Variants in AIM2 observed in about 807,000 individuals in gnomAD.
AIM2 encodes interferon-inducible protein AIM2.
AIM2 carries 30 observed loss-of-function variants against 27.7 expected under a neutral mutation model. The observed-to-expected ratio is 1.08, with a 90% CI of 0.81 to 1.47. The LOEUF (loss-of-function observed/expected upper bound fraction) is 1.47, where lower values mean the gene tolerates loss of function less well. Ranked by LOEUF, AIM2 falls within the 40% of genes most tolerant of loss-of-function variation. The pLI, the probability that AIM2 is intolerant of heterozygous loss-of-function variation, is 0.00. For synonymous variants in AIM2, 141 were observed against 145.3 expected, an observed-to-expected ratio of 0.97 and a Z score of 0.21; for missense variants, 358 against 411.3, an observed-to-expected ratio of 0.87 and a Z score of 1.12.
At chr1:159,115,530 C>A (rs980523646) in intron 1 of AIM2, among the ~76,000 whole-genome samples, 5 of 152,134 alleles carry the variant, frequency 3.3e-5, no homozygotes, top group Admixed American at 6.5e-5. Flanking sequence ...AATAATGCCG[C>A]ATATCCACAA....
intron 1 of AIM2, among the ~76,000 whole-genome samples, chr1:159,117,121 G>T (rs1331781696): frequency 6.6e-6 from 1 of 152,236 alleles, no homozygotes; most frequent in Non-Finnish European, 1.5e-5. Flanking sequence ...AAATATAGCT[G>T]TCAAGGGAAG....
intron 1 of AIM2, among the ~76,000 whole-genome samples, chr1:159,086,532 C>T (rs1409056223): frequency 6.6e-6 from 1 of 152,242 alleles, no homozygotes; most frequent in Non-Finnish European, 1.5e-5. Context: ...CTAATTCTTA[C>T]TCACCCCCAG....
intron 1 of AIM2, among the ~76,000 whole-genome samples, chr1:159,119,819 T>G (rs1402079701): frequency 6.6e-6 from 1 of 151,948 alleles, no homozygotes; most frequent in African/African-American, 2.4e-5. Context: ...TGTGGGTGTG[T>G]GTGCCACTCT....
intron 1 of AIM2, among the ~76,000 whole-genome samples, chr1:159,118,916 C>A (rs77538760): frequency 6.6e-6 from 1 of 151,960 alleles, no homozygotes; most frequent in African/African-American, 2.4e-5. Flanking sequence ...ACAAACAATC[C>A]GGAATCTTAG....
chr1:159,100,323 A>G (rs2518565), intron 1 of AIM2, among the ~76,000 whole-genome samples: 112,358 of 152,154 alleles, frequency 0.74, 45,050 homozygotes, highest in Non-Finnish European at 0.89. Context: ...GTGTTGGGAA[A>G]TGATTTTTTT....
In AIM2 at chr1:159,138,007, C is replaced by T. The variant is rs560772830; in HGVS notation, c.-16+2424G>A. Among the ~76,000 whole-genome samples, 3 of 152,110 alleles carry T rather than the reference C, an allele frequency of 2.0e-5. No individual in the cohort carries two copies. In the South Asian group the frequency reaches 6.2e-4, roughly 32 times the overall value. On this transcript the variant is annotated intron_variant, in intron 1 of 2. Coordinates refer to the AIM2 transcript ENST00000368129. ...TGGCATTTATGTACTAAAATGTATA[C>T]TATTTATTATAAGTTTATTTCTTTT...
chr1:159,131,590 A>T (rs1442280705), intron 1 of AIM2, among the ~76,000 whole-genome samples: 1 of 152,204 alleles, frequency 6.6e-6, no homozygotes, highest in Non-Finnish European at 1.5e-5. Context: ...AAGACTATTT[A>T]AAAAAATAAT....
rs868344128 is a variant in AIM2, at chr1:159,071,705, T to C, written c.262+1533A>G. 1.5e-4 allele frequency among the ~76,000 whole-genome samples: 23 copies of C among 152,344 alleles called. No homozygotes were observed. The South Asian group carries it at 2.9e-3, about 19-fold the overall frequency. On this transcript the variant is annotated intron_variant, in intron 2 of 5. Coordinates refer to ENST00000368130, the MANE Select transcript of AIM2 (RefSeq NM_004833.3). The stretch of plus-strand genomic sequence containing the variant: ...TTGTATTTTTAGTAGAGACAAAGTT[T>C]CACTATGTTGGCCAGGCTGATCTCG...
At chr1:159,124,540 T>C (rs1647633390) in intron 1 of AIM2, among the ~76,000 whole-genome samples, 2 of 152,220 alleles carry the variant, frequency 1.3e-5, no homozygotes, top group African/African-American at 4.8e-5. Context: ...TTTACTAAAG[T>C]AGAGGCTACA....
chr1:159,143,107 A>T (rs1029447554), upstream of AIM2, among the ~76,000 whole-genome samples: 1 of 152,196 alleles, frequency 6.6e-6, no homozygotes, highest in African/African-American at 2.4e-5. Context: ...TGACTAAATG[A>T]AACAATTAGA....
upstream of AIM2, among the ~76,000 whole-genome samples, chr1:159,077,123 G>C (rs1172766776): frequency 6.6e-6 from 1 of 152,214 alleles, no homozygotes; most frequent in African/African-American, 2.4e-5. Context: ...CAAAGCATAA[G>C]AGAATCTGAA....
At chr1:159,139,653 A>G (rs1648074143) in intron 1 of AIM2, among the ~76,000 whole-genome samples, 1 of 152,230 alleles carries the variant, frequency 6.6e-6, no homozygotes, top group Non-Finnish European at 1.5e-5. Context: ...GGCTTGGGGA[A>G]TTATCTGTGG....
At position 159,068,596 on chromosome 1, in the gene AIM2, G is replaced by T; in HGVS notation, c.368C>A (p.Ala123Asp). ...AIRNDVAKQR[A>D]APKVSPHVKP... The stretch of plus-strand genomic sequence containing the variant: ...AACATGAGGAGAGACTTTTGGTGCA[G>T]CACGTTGCTTTGCGACATCATTTCT... Residue 123 changes from alanine (A) to aspartate (D), a missense_variant, in exon 3 of 6, where the codon GCT becomes GAT. By Grantham distance (126) the Ala-to-Asp change is moderately radical. Coordinates refer to ENST00000368130, the MANE Select transcript of AIM2 (RefSeq NM_004833.3). The T allele has an allele frequency of 1.2e-6, 2 of 1,613,624 alleles. No homozygotes were observed. The highest frequency in any genetic ancestry group is 1.7e-6 in the Non-Finnish European group (2 of 1,179,756).
chr1:159,099,499 T>A (rs1168265343), intron 1 of AIM2, among the ~76,000 whole-genome samples: 2 of 152,182 alleles, frequency 1.3e-5, no homozygotes, highest in African/African-American at 2.4e-5. Flanking sequence ...CTACTTTGTT[T>A]TTTTTCCCTC....
chr1:159,115,627 C>A lies in AIM2; in HGVS notation c.-16+24804G>T, dbSNP rs185715299. On this transcript the variant is annotated intron_variant, in intron 1 of 2. Coordinates refer to the AIM2 transcript ENST00000368129. ...AAATGGTGCTGGGAAAACTGGCTAG[C>A]CATATGTAGAAAGCTGAAACTGGAT... Among the ~76,000 whole-genome samples the A allele has an allele frequency of 5.2e-3, 791 of 152,236 alleles. 4 individuals are homozygous for A. Among genetic ancestry groups the A allele is most frequent in the African/African-American group, 0.018 (758 of 41,528 alleles).
upstream of AIM2, among the ~76,000 whole-genome samples, chr1:159,141,559 T>C (rs1434214681): frequency 6.6e-6 from 1 of 151,784 alleles, no homozygotes; most frequent in Non-Finnish European, 1.5e-5. Flanking sequence ...TAAATATAAT[T>C]ATCAACCTAG....
chr1:159,092,549 A>G (rs957425180), intron 1 of AIM2, among the ~76,000 whole-genome samples: 1 of 152,192 alleles, frequency 6.6e-6, no homozygotes, highest in African/African-American at 2.4e-5. Context: ...AGCATAGGCA[A>G]CATCATGTCA....
chr1:159,081,996 T>A (rs966631915), intron 1 of AIM2, among the ~76,000 whole-genome samples: 5 of 152,242 alleles, frequency 3.3e-5, no homozygotes, highest in Non-Finnish European at 5.9e-5. Flanking sequence ...TCTAGTTTCC[T>A]AATGTGGGAG....
upstream of AIM2, among the ~76,000 whole-genome samples, chr1:159,077,092 G>A (rs533516985): frequency 1.3e-5 from 2 of 152,330 alleles, no homozygotes; most frequent in East Asian, 3.9e-4. Flanking sequence ...TTGCCAGTAG[G>A]GCAGTGCAGG....
Sources: allele counts gnomAD v4.1 joint callset (sites outside exome capture counted in the v4.1 genomes callset), GRCh38; gene constraint gnomAD v4.1.1; transcripts MANE v1.5; gene names NCBI Gene and HGNC (gene_info 2026-07-23, HGNC 2026-07-21).